The following PLD5 variants were observed in gnomAD, a reference collection of about 807,000 sequenced individuals.
PLD5 encodes inactive phospholipase D5.
Under a neutral mutation model 61.1 loss-of-function variants are expected in PLD5, and 36 were observed. The observed-to-expected ratio is 0.59, with a 90% CI of 0.45 to 0.78. PLD5 has a LOEUF of 0.78. PLD5 is among the 30% of genes least tolerant of loss of function. The pLI is 0.00. For missense variants in PLD5, 515 were observed against 644.4 expected (o/e 0.80, Z 2.17); for synonymous variants, 243 against 242.8 (o/e 1.00, Z -0.01).
intron 5 of PLD5, among the ~76,000 whole-genome samples, chr1:242,170,868 G>T (rs909250972): frequency 6.6e-6 from 1 of 152,050 alleles, no homozygotes; most frequent in Admixed American, 6.6e-5. Context: ...AATGAAAAAG[G>T]CCTGCAGGAA....
chr1:242,211,754 G>A (rs536820940), intron 5 of PLD5, among the ~76,000 whole-genome samples: 90 of 152,236 alleles, frequency 5.9e-4, no homozygotes, highest in Non-Finnish European at 1.1e-3. Flanking sequence ...TGCACAGTCA[G>A]TAAGTCATTG....
intron 1 of PLD5, among the ~76,000 whole-genome samples, chr1:242,372,007 C>T (rs1177705236): frequency 2.0e-5 from 3 of 152,040 alleles, no homozygotes; most frequent in Non-Finnish European, 4.4e-5. Flanking sequence ...CTAATGCTAT[C>T]CCTCCTACCA....
intron 3 of PLD5, among the ~76,000 whole-genome samples, chr1:242,266,287 A>G (rs1479754113): frequency 6.6e-6 from 1 of 152,192 alleles, no homozygotes; most frequent in Non-Finnish European, 1.5e-5. Context: ...AGGCTGAGGC[A>G]GGAGAATTGC....
intron 2 of PLD5, among the ~76,000 whole-genome samples, chr1:242,305,200 T>C (rs929044567): frequency 2.6e-5 from 4 of 152,226 alleles, no homozygotes; most frequent in African/African-American, 9.6e-5. Context: ...ATTACATGCA[T>C]AGGTTAAGAA....
chr1:242,283,105 T>A (rs1396122949), intron 3 of PLD5, among the ~76,000 whole-genome samples: 1 of 152,214 alleles, frequency 6.6e-6, no homozygotes, highest in Non-Finnish European at 1.5e-5. Flanking sequence ...ACATTTTAAA[T>A]CAACATGTCT....
intron 7 of PLD5, among the ~76,000 whole-genome samples, chr1:242,113,325 C>G (rs1343285269): frequency 6.6e-6 from 1 of 152,042 alleles, no homozygotes. Flanking sequence ...GATCTCCTGA[C>G]CTCGTGATCC....
At position 242,188,319 on chromosome 1, in the gene PLD5, T is replaced by C. The variant is rs1668036628; in HGVS notation, c.735+31669A>G. On this transcript the variant is annotated intron_variant, in intron 5 of 9. Coordinates refer to ENST00000536534, the MANE Select transcript of PLD5 (RefSeq NM_001372062.1). ...TATGAGGATAGGGGAAAGGGAGAAATTGCAGCCATGTTATTTTTAAGACAG... is the reference window on the plus strand; with the variant it reads ...TATGAGGATAGGGGAAAGGGAGAAACTGCAGCCATGTTATTTTTAAGACAG... Among the ~76,000 whole-genome samples the C allele has an allele frequency of 2.0e-5, 3 of 152,022 alleles. No homozygotes were observed. The South Asian group carries it at 6.2e-4, about 32-fold the overall frequency.
At chr1:242,309,065 G>A (rs1162504784) in intron 2 of PLD5, among the ~76,000 whole-genome samples, 1 of 152,106 alleles carries the variant, frequency 6.6e-6, no homozygotes, top group East Asian at 1.9e-4. Flanking sequence ...GGAAACAGTG[G>A]CACTTCCGTG....
At chr1:242,212,384 A>G (rs951001937) in intron 5 of PLD5, among the ~76,000 whole-genome samples, 5 of 152,242 alleles carry the variant, frequency 3.3e-5, no homozygotes, top group African/African-American at 1.2e-4. Context: ...AAAAATACGA[A>G]AAAACATTAA....
At chr1:242,380,747 T>C (rs1662231363) in intron 1 of PLD5, among the ~76,000 whole-genome samples, 1 of 151,856 alleles carries the variant, frequency 6.6e-6, no homozygotes, top group African/African-American at 2.4e-5. Flanking sequence ...GCAAAGGGCA[T>C]GAACAGACAC....
intron 1 of PLD5, among the ~76,000 whole-genome samples, chr1:242,459,365 A>G (rs1667042951): frequency 6.6e-6 from 1 of 152,222 alleles, no homozygotes; most frequent in Non-Finnish European, 1.5e-5. Context: ...TTTAGACGGT[A>G]TCTCTGAGGG....
intron 2 of PLD5, among the ~76,000 whole-genome samples, chr1:242,289,350 C>T (rs1044354360): frequency 2.6e-5 from 4 of 151,926 alleles, no homozygotes; most frequent in Admixed American, 6.6e-5. Context: ...TGTATATTCT[C>T]CCGCAATTCT....
chr1:242,159,007 C>A (rs1040247436), intron 5 of PLD5, among the ~76,000 whole-genome samples: 1 of 152,092 alleles, frequency 6.6e-6, no homozygotes, highest in Non-Finnish European at 1.5e-5. Context: ...CTATTAAAAT[C>A]TTTTAATATA....
chr1:242,359,785 T>TA (rs1245926635), intron 1 of PLD5, among the ~76,000 whole-genome samples: 1 of 152,230 alleles, frequency 6.6e-6, no homozygotes, highest in East Asian at 1.9e-4. Flanking sequence ...ATACTATATG[T>TA]AAAGTACTTA....
intron 4 of PLD5, among the ~76,000 whole-genome samples, chr1:242,243,309 T>A (rs1163109066): frequency 1.3e-5 from 2 of 152,238 alleles, no homozygotes; most frequent in Non-Finnish European, 2.9e-5. Context: ...GTACAACTCC[T>A]TCTTGGAACT....
chr1:242,291,634 G>A (rs867039884), intron 2 of PLD5, among the ~76,000 whole-genome samples: 5 of 151,886 alleles, frequency 3.3e-5, no homozygotes, highest in South Asian at 2.1e-4. Flanking sequence ...GTGAAACCCC[G>A]TCTCTACTAA....
rs146434156 is a variant in PLD5, at chr1:242,094,239, G to A, written c.1355-4129C>T. Among the ~76,000 whole-genome samples the A allele has an allele frequency of 1.2e-3, 189 of 152,096 alleles. 2 individuals are homozygous for A. Among genetic ancestry groups the A allele is most frequent in the African/African-American group, 4.4e-3 (181 of 41,476 alleles). Reference sequence around the variant, plus strand: ...TGATGATGAGGTTGCAAGAGAGCTCGCTGGGAAGGTGCATGGGCCTTCAGG... The same window carrying A: ...TGATGATGAGGTTGCAAGAGAGCTCACTGGGAAGGTGCATGGGCCTTCAGG... On this transcript the variant is annotated intron_variant, in intron 9 of 9. Transcript: ENST00000536534.
rs6678549 is a variant in PLD5, at chr1:242,463,416, G to A, written c.189+60672C>T. On this transcript the variant is annotated intron_variant, in intron 1 of 9. Transcript: ENST00000536534. ...ACAAACTCCAAATTCATGCTGCATC[G>A]CAAGCGGACTCCTAATGTTCCCAAG... Among the ~76,000 whole-genome samples, 3 of 152,236 alleles carry A rather than the reference G, an allele frequency of 2.0e-5. No individual in the cohort carries two copies. In the South Asian group the frequency reaches 6.2e-4, roughly 32 times the overall value.
chr1:242,478,990 A>G (rs1030658694), intron 1 of PLD5, among the ~76,000 whole-genome samples: 2 of 152,238 alleles, frequency 1.3e-5, no homozygotes, highest in African/African-American at 4.8e-5. Context: ...AAGACATTTT[A>G]ATGATATTGT....
Sources: gnomAD v4.1 joint callset for allele counts (sites outside exome capture counted in the v4.1 genomes callset) on GRCh38, gnomAD v4.1.1 for gene constraint, MANE v1.5 for transcripts, NCBI Gene and HGNC (gene_info 2026-07-23, HGNC 2026-07-21) for gene names.